NPAS3: variants seen among roughly 807,000 people sequenced by gnomAD.
The protein encoded by NPAS3 is neuronal PAS domain-containing protein 3.
A neutral mutation model predicts 73.1 loss-of-function variants in NPAS3; 14 were observed. The ratio of observed to expected loss-of-function variants is 0.19; its 90% CI spans 0.13 to 0.30. The LOEUF (loss-of-function observed/expected upper bound fraction) is 0.30, where lower values mean the gene tolerates loss of function less well. NPAS3 is among the 10% of genes least tolerant of loss of function. NPAS3 has a pLI of 1.00. For missense variants in NPAS3, 1,096 were observed against 1,250.0 expected (o/e 0.88, Z 1.86); for synonymous variants, 620 against 541.5 (o/e 1.14, Z -2.01).
chr14:33,162,409 G>C (rs930343031), intron 2 of NPAS3, among the ~76,000 whole-genome samples: 5 of 151,882 alleles, frequency 3.3e-5, no homozygotes, highest in African/African-American at 1.2e-4. Flanking sequence ...ACTGATGAGG[G>C]CATTTTTATT....
chr14:33,072,818 C>T (rs1261576771), intron 2 of NPAS3, among the ~76,000 whole-genome samples: 2 of 152,168 alleles, frequency 1.3e-5, no homozygotes, highest in Admixed American at 6.5e-5. Flanking sequence ...ATGAATTTAA[C>T]ATCTAGTCTC....
intron 3 of NPAS3, among the ~76,000 whole-genome samples, chr14:33,329,010 T>A (rs2043853274): frequency 1.3e-5 from 2 of 152,188 alleles, no homozygotes; most frequent in Admixed American, 1.3e-4. Flanking sequence ...AAGGACTTTT[T>A]TCTCTATTTT....
intron 7 of NPAS3, among the ~76,000 whole-genome samples, chr14:33,770,793 G>A (rs546632410): frequency 2.6e-5 from 4 of 152,086 alleles, no homozygotes; most frequent in East Asian, 1.9e-4. Context: ...CCAGCAACTC[G>A]GGAGGCTGAG....
At chr14:33,718,670 AC>A (rs1250361635) in intron 6 of NPAS3, among the ~76,000 whole-genome samples, 1 of 152,204 alleles carries the variant, frequency 6.6e-6, no homozygotes, top group African/African-American at 2.4e-5. Flanking sequence ...GAAGCGCTCA[AC>A]AAATGTTTCC....
At chr14:33,746,719 C>G (rs574764602) in intron 7 of NPAS3, among the ~76,000 whole-genome samples, 72 of 151,908 alleles carry the variant, frequency 4.7e-4, no homozygotes, top group African/African-American at 1.7e-3. Context: ...TAAGAATAAA[C>G]AGTAGGTGAA....
intron 1 of NPAS3, among the ~76,000 whole-genome samples, chr14:33,001,215 G>C (rs978351381): frequency 6.6e-6 from 1 of 152,100 alleles, no homozygotes; most frequent in African/African-American, 2.4e-5. Flanking sequence ...CTTTCATTCA[G>C]CTGGTGAAAT....
intron 4 of NPAS3, among the ~76,000 whole-genome samples, chr14:33,430,334 A>G (rs1406810856): frequency 6.6e-6 from 1 of 151,928 alleles, no homozygotes; most frequent in East Asian, 1.9e-4. Context: ...ATATTTTCCT[A>G]GGAGTAGAGA....
intron 2 of NPAS3, among the ~76,000 whole-genome samples, chr14:33,155,153 C>T (rs941948629): frequency 6.6e-6 from 1 of 152,188 alleles, no homozygotes; most frequent in African/African-American, 2.4e-5. Context: ...GGGATGAGTG[C>T]TGTTCCTCTT....
intron 2 of NPAS3, among the ~76,000 whole-genome samples, chr14:33,087,586 A>G (rs1331884087): frequency 6.6e-6 from 1 of 152,186 alleles, no homozygotes; most frequent in Non-Finnish European, 1.5e-5. Flanking sequence ...CTCAGAAATG[A>G]CAAATGGTTT....
intron 6 of NPAS3, among the ~76,000 whole-genome samples, chr14:33,692,770 T>A (rs2060267173): frequency 6.6e-6 from 1 of 150,628 alleles, no homozygotes; most frequent in African/African-American, 2.4e-5. Context: ...ACTATCAGTT[T>A]TTGGTGAGCT....
At chr14:33,547,449 A>G (rs1055391030) in intron 4 of NPAS3, among the ~76,000 whole-genome samples, 26 of 152,176 alleles carry the variant, frequency 1.7e-4, no homozygotes, top group African/African-American at 6.3e-4. Flanking sequence ...TAATCATTAT[A>G]CACCCCCTGA....
rs115193206 is a variant in NPAS3, at chr14:33,497,180, C to T, written c.469-62941C>T. Among the ~76,000 whole-genome samples the T allele has an allele frequency of 9.0e-3, 1,373 of 152,004 alleles. 19 individuals are homozygous for T. Among genetic ancestry groups the T allele is most frequent in the African/African-American group, 0.031 (1,298 of 41,478 alleles). On this transcript the variant is annotated intron_variant, in intron 4 of 11. Coordinates refer to ENST00000356141, the Ensembl canonical transcript of NPAS3. ...CTCTTCAAGGAGAACTACAAACCAC[C>T]GTTCAACAAAGTAAGAGAGGAAACA...
intron 3 of NPAS3, among the ~76,000 whole-genome samples, chr14:33,266,565 A>G (rs2040826702): frequency 6.6e-6 from 1 of 152,166 alleles, no homozygotes; most frequent in Non-Finnish European, 1.5e-5. Flanking sequence ...ATTATTGCCT[A>G]CTGTATCTGA....
At chr14:32,975,830 T>G (rs1005739699) in intron 1 of NPAS3, among the ~76,000 whole-genome samples, 2 of 151,584 alleles carry the variant, frequency 1.3e-5, no homozygotes, top group Admixed American at 6.6e-5. Context: ...TTTTCTTCCT[T>G]GGTAATTTGT....
chr14:33,293,538 C>T (rs1314199720), intron 3 of NPAS3, among the ~76,000 whole-genome samples: 3 of 152,068 alleles, frequency 2.0e-5, no homozygotes, highest in Non-Finnish European at 4.4e-5. Flanking sequence ...AGGATGGTAA[C>T]CAGTTTTTCC....
chr14:33,000,949 C>T (rs1398079428), intron 1 of NPAS3, among the ~76,000 whole-genome samples: 5 of 152,194 alleles, frequency 3.3e-5, no homozygotes, highest in Non-Finnish European at 5.9e-5. Context: ...ATGACAATAA[C>T]GTTAGCTGGA....
At chr14:33,651,183 G>C (rs2058983126) in intron 5 of NPAS3, among the ~76,000 whole-genome samples, 1 of 152,084 alleles carries the variant, frequency 6.6e-6, no homozygotes. Context: ...CCTTTTTCGC[G>C]CCATGCAGTG....
rs555124993 is a variant in NPAS3 at position 33,266,875 on chromosome 14, G to T, written c.385+51449G>T. On this transcript the variant is annotated intron_variant, in intron 3 of 11. Coordinates refer to ENST00000356141, the Ensembl canonical transcript of NPAS3. Reference sequence around the variant, plus strand: ...ACAGCTCTTATTGATCAGCTTTAGAGATAAATATCAAAGGTCTGAATGCAG... The same window carrying T: ...ACAGCTCTTATTGATCAGCTTTAGATATAAATATCAAAGGTCTGAATGCAG... Among the ~76,000 whole-genome samples, 21 of 152,266 alleles carry T rather than the reference G, an allele frequency of 1.4e-4. No homozygotes were observed. The South Asian group carries it at 3.9e-3, about 29-fold the overall frequency.
chr14:33,796,057 C>T (rs1366296633), intron 10 of NPAS3, among the ~76,000 whole-genome samples: 1 of 152,106 alleles, frequency 6.6e-6, no homozygotes, highest in Non-Finnish European at 1.5e-5. Context: ...CCAAGACAGC[C>T]ATTTACTGGT....
Sources: allele counts gnomAD v4.1 joint callset (sites outside exome capture counted in the v4.1 genomes callset), GRCh38; gene constraint gnomAD v4.1.1; transcripts MANE v1.5; gene names NCBI Gene and HGNC (gene_info 2026-07-23, HGNC 2026-07-21).